The following PDE4B variants were observed in gnomAD, a reference collection of about 807,000 sequenced individuals.
PDE4B encodes the protein phosphodiesterase 4B, also known as 3',5'-cyclic-AMP phosphodiesterase 4B.
PDE4B carries 20 observed loss-of-function variants against 82.2 expected under a neutral mutation model. The ratio of observed to expected loss-of-function variants is 0.24; its 90% confidence interval spans 0.17 to 0.35. The LOEUF (loss-of-function observed/expected upper bound fraction) is 0.35. Among genes scored for constraint, PDE4B ranks in the 10% least tolerant of loss-of-function variants. The probability of loss-of-function intolerance (pLI) is 1.00; values close to 1 mark genes in which losing one functional copy is unlikely to be tolerated. For missense variants in PDE4B, 655 were observed against 907.2 expected (o/e 0.72, Z 3.57); for synonymous variants, 320 against 318.9 (o/e 1.00, Z -0.04).
chr1:66,010,305 A>C (rs1285899939), intron 3 of PDE4B, among the ~76,000 whole-genome samples: 2 of 151,602 alleles, frequency 1.3e-5, no homozygotes, highest in Non-Finnish European at 2.9e-5. Context: ...TAAATTTTAA[A>C]ATTTAAAAAA....
At chr1:65,803,017 C>G (rs1019689173) in intron 1 of PDE4B, among the ~76,000 whole-genome samples, 7 of 151,374 alleles carry the variant, frequency 4.6e-5, no homozygotes, top group Non-Finnish European at 8.8e-5. Context: ...TTTGTTTTCC[C>G]TAAATTTTTA....
At chr1:65,957,733 A>T (rs1027581850) in intron 3 of PDE4B, among the ~76,000 whole-genome samples, 2 of 152,026 alleles carry the variant, frequency 1.3e-5, no homozygotes, top group Non-Finnish European at 2.9e-5. Context: ...TATAATTATT[A>T]TTCTTAGGTC....
At chr1:66,050,172 A>G (rs1446486127) in intron 3 of PDE4B, among the ~76,000 whole-genome samples, 1 of 152,036 alleles carries the variant, frequency 6.6e-6, no homozygotes, top group African/African-American at 2.4e-5. Flanking sequence ...TTTAAAATTT[A>G]TTTCCATGAA....
intron 1 of PDE4B, among the ~76,000 whole-genome samples, chr1:65,793,553 G>T (rs1038152833): frequency 3.3e-5 from 5 of 152,324 alleles, no homozygotes; most frequent in African/African-American, 1.2e-4. Flanking sequence ...AGAGGCAGAA[G>T]GATTCAGGGC....
chr1:66,200,667 G>A (rs1387049716), intron 3 of PDE4B, among the ~76,000 whole-genome samples: 1 of 152,146 alleles, frequency 6.6e-6, no homozygotes, highest in Non-Finnish European at 1.5e-5. Context: ...TGGTGTATAA[G>A]AATGCTTGTG....
chr1:65,987,071 A>G (rs1028061173), intron 3 of PDE4B, among the ~76,000 whole-genome samples: 1 of 152,166 alleles, frequency 6.6e-6, no homozygotes, highest in African/African-American at 2.4e-5. Context: ...GCAGTTGGAG[A>G]TGGGGAAACC....
chr1:66,239,853 A>C (rs1424832429), intron 3 of PDE4B, among the ~76,000 whole-genome samples: 2 of 152,230 alleles, frequency 1.3e-5, no homozygotes, highest in Non-Finnish European at 2.9e-5. Context: ...TTTACAACCC[A>C]AAAAAAGGAT....
chr1:66,090,233 G>A (rs1258381929), intron 3 of PDE4B, among the ~76,000 whole-genome samples: 1 of 151,962 alleles, frequency 6.6e-6, no homozygotes, highest in African/African-American at 2.4e-5. Context: ...TTCAGAGGTA[G>A]GCTTGGTATA....
At chr1:65,920,608 G>A (rs187716106) in intron 3 of PDE4B, among the ~76,000 whole-genome samples, 228 of 152,300 alleles carry the variant, frequency 1.5e-3, no homozygotes, top group Middle Eastern at 6.8e-3. Flanking sequence ...AGGCTATTGT[G>A]AGGATTAAAT....
intron 3 of PDE4B, among the ~76,000 whole-genome samples, chr1:66,177,751 G>T (rs1010799104): frequency 1.3e-5 from 2 of 152,158 alleles, no homozygotes; most frequent in African/African-American, 4.8e-5. Flanking sequence ...GATATTTACT[G>T]TTAGGCCTCT....
At chr1:65,858,429 A>C (rs1571025638) in intron 1 of PDE4B, among the ~76,000 whole-genome samples, 1 of 152,314 alleles carries the variant, frequency 6.6e-6, no homozygotes, top group Non-Finnish European at 1.5e-5. Context: ...CGAAGTTTTA[A>C]ACAGCCGTGA....
At chr1:66,229,071 G>A (rs149515700) in intron 3 of PDE4B, among the ~76,000 whole-genome samples, 3 of 151,862 alleles carry the variant, frequency 2.0e-5, no homozygotes, top group South Asian at 4.2e-4. Flanking sequence ...GCAGTGGCTC[G>A]ATATTGGCTC....
At chr1:65,827,831 C>A (rs1181716990) in intron 1 of PDE4B, among the ~76,000 whole-genome samples, 1 of 152,058 alleles carries the variant, frequency 6.6e-6, no homozygotes, top group Non-Finnish European at 1.5e-5. Flanking sequence ...ATGCCAAAAC[C>A]TCACACTTCA....
intron 3 of PDE4B, among the ~76,000 whole-genome samples, chr1:65,968,102 G>A (rs1029360865): frequency 6.6e-6 from 1 of 151,984 alleles, no homozygotes. Context: ...CTAATACATA[G>A]AATGACATAA....
chr1:65,999,089 A>C (rs1050637851), intron 3 of PDE4B, among the ~76,000 whole-genome samples: 2 of 152,170 alleles, frequency 1.3e-5, no homozygotes, highest in Non-Finnish European at 2.9e-5. Context: ...AGTAATGGTG[A>C]CAACCCCCAG....
intron 3 of PDE4B, among the ~76,000 whole-genome samples, chr1:65,987,361 T>G (rs1651008782): frequency 6.6e-6 from 1 of 152,170 alleles, no homozygotes; most frequent in African/African-American, 2.4e-5. Context: ...CACATCATCT[T>G]ATAAAGATAT....
chr1:66,305,035 C>T (rs1658170873), intron 7 of PDE4B, among the ~76,000 whole-genome samples: 1 of 152,108 alleles, frequency 6.6e-6, no homozygotes, highest in Non-Finnish European at 1.5e-5. Context: ...CAGAAGATGA[C>T]ACTCTAATGA....
intron 2 of PDE4B, among the ~76,000 whole-genome samples, chr1:65,914,278 A>C (rs191519361): frequency 6.6e-6 from 1 of 152,316 alleles, no homozygotes; most frequent in East Asian, 1.9e-4. Flanking sequence ...CAAGAATGCT[A>C]GAACTAATTC....
At chr1:66,090,691 A>ATCTG (rs1344411764) in intron 3 of PDE4B, among the ~76,000 whole-genome samples, 1 of 147,044 alleles carries the variant, frequency 6.8e-6, no homozygotes, top group Non-Finnish European at 1.5e-5. Flanking sequence ...ATGTATCTGT[A>ATCTG]TATAAGTATA....
Sources: gnomAD v4.1 joint callset for allele counts (sites outside exome capture counted in the v4.1 genomes callset) on GRCh38, gnomAD v4.1.1 for gene constraint, MANE v1.5 for transcripts, NCBI Gene and HGNC (gene_info 2026-07-23, HGNC 2026-07-21) for gene names.